Variants in LRRTM3 observed in about 807,000 individuals in gnomAD.
LRRTM3 encodes leucine rich repeat transmembrane neuronal 3, also known as leucine-rich repeat transmembrane neuronal protein 3.
A neutral mutation model predicts 44.7 loss-of-function variants in LRRTM3; 24 were observed. That is an observed-to-expected ratio of 0.54 (90% CI 0.39 to 0.76). The LOEUF is 0.76. LRRTM3 is among the 30% of genes least tolerant of loss of function. The pLI is 0.00. For missense variants in LRRTM3, 587 were observed against 702.2 expected (o/e 0.84, Z 1.85); for synonymous variants, 277 against 278.7 (o/e 0.99, Z 0.06).
Position 67,098,316 on chromosome 10 carries a change from G to C in LRRTM3, c.*520G>C, listed in dbSNP as rs1238425827. 1 of 153,642 alleles carries C rather than the reference G, an allele frequency of 6.5e-6. No homozygotes were observed. The highest frequency in any genetic ancestry group is 1.9e-4 in the East Asian group (1 of 5,178). 9.5% of individuals were successfully genotyped at this position (153,642 alleles called of 1,614,324 possible). A position where few individuals can be genotyped will look rare whatever the true frequency, so the allele number is the denominator to read the frequency against. ...AGAAACCTTGACTCTAAAATTCTGTGCTGTGCGAAACATGCACGATTTTTA... is the reference window on the plus strand; with the variant it reads ...AGAAACCTTGACTCTAAAATTCTGTCCTGTGCGAAACATGCACGATTTTTA... On this transcript the variant is annotated 3_prime_UTR_variant, in exon 3 of 3. Coordinates refer to ENST00000361320, the MANE Select transcript of LRRTM3 (RefSeq NM_178011.5).
At chr10:67,042,034 A>G (rs542462547) in intron 2 of LRRTM3, among the ~76,000 whole-genome samples, 7 of 152,292 alleles carry the variant, frequency 4.6e-5, no homozygotes, top group African/African-American at 1.7e-4. Context: ...AGGAGACGTG[A>G]GCAGAGCTGA....
chr10:67,091,064 G>A (rs1392584752), intron 2 of LRRTM3, among the ~76,000 whole-genome samples: 2 of 151,994 alleles, frequency 1.3e-5, no homozygotes, highest in Non-Finnish European at 2.9e-5. Flanking sequence ...CAAAGGGACA[G>A]CTTTCTATTT....
At chr10:67,059,109 T>C (rs1855609249) in intron 2 of LRRTM3, among the ~76,000 whole-genome samples, 1 of 152,164 alleles carries the variant, frequency 6.6e-6, no homozygotes, top group African/African-American at 2.4e-5. Context: ...ATCTAATCCT[T>C]TAGTCATAAT....
chr10:66,964,495 C>T (rs7914124), intron 2 of LRRTM3, among the ~76,000 whole-genome samples: 141,955 of 152,216 alleles, frequency 0.93, 66,757 homozygotes, highest in East Asian at 1. Context: ...ATTCATAAAT[C>T]AGGGACCAGG....
At chr10:67,036,348 C>A (rs1447637257) in intron 2 of LRRTM3, among the ~76,000 whole-genome samples, 1 of 151,496 alleles carries the variant, frequency 6.6e-6, no homozygotes. Context: ...CGGCTCACTG[C>A]AATCTCTCCC....
chr10:67,081,218 G>T (rs1857042171), intron 2 of LRRTM3, among the ~76,000 whole-genome samples: 1 of 152,186 alleles, frequency 6.6e-6, no homozygotes. Flanking sequence ...TTGGAGAAAT[G>T]ACTGTTGGCA....
chr10:66,926,609 C>A (rs1294773478), intron 1 of LRRTM3, 22 bp downstream of exon 1: 1 of 1,613,442 alleles, frequency 6.2e-7, no homozygotes, highest in African/African-American at 1.3e-5. Context: ...CATTTTTCTT[C>A]TTTCCTTCTT....
Position 66,928,452 on chromosome 10 carries a change from G to A in LRRTM3, c.1536G>A (p.Glu512=). ...TYNKSGSREC[E]IPLSMNVSTF... is the part of the protein sequence containing the mutation. ...ACAAATCGGGCTCCAGGGAGTGTGAGGTATGAACCATTGTGATAAAAAGAG... is the reference window on the plus strand; with the variant it reads ...ACAAATCGGGCTCCAGGGAGTGTGAAGTATGAACCATTGTGATAAAAAGAG... The change falls in exon 2 of 3, where the codon GAG becomes GAA. Residue 512 remains glutamate (E), a splice_region_variant and synonymous_variant. Coordinates refer to ENST00000361320, the MANE Select transcript of LRRTM3 (RefSeq NM_178011.5). 1 of 1,595,160 alleles carries A rather than the reference G, an allele frequency of 6.3e-7. No individual in the cohort carries two copies. Among genetic ancestry groups the A allele is most frequent in the Non-Finnish European group, 8.5e-7 (1 of 1,173,232 alleles).
intron 2 of LRRTM3, among the ~76,000 whole-genome samples, chr10:66,994,262 C>T (rs1851204793): frequency 6.6e-6 from 1 of 152,130 alleles, no homozygotes; most frequent in Non-Finnish European, 1.5e-5. Flanking sequence ...AAGGAAAATG[C>T]TCTCCAAGCT....
intron 2 of LRRTM3, among the ~76,000 whole-genome samples, chr10:66,939,648 C>A (rs953851192): frequency 6.6e-6 from 1 of 152,176 alleles, no homozygotes; most frequent in African/African-American, 2.4e-5. Context: ...GACTTACAGA[C>A]CATCCATATC....
chr10:66,944,835 G>C (rs1480891663), intron 2 of LRRTM3, among the ~76,000 whole-genome samples: 1 of 152,172 alleles, frequency 6.6e-6, no homozygotes, highest in East Asian at 1.9e-4. Flanking sequence ...ATGTCCATCA[G>C]AGCTCTTGGG....
chr10:67,068,835 A>G (rs1278105596), intron 2 of LRRTM3, among the ~76,000 whole-genome samples: 1 of 152,016 alleles, frequency 6.6e-6, no homozygotes, highest in Admixed American at 6.6e-5. Flanking sequence ...TGAGGCAGGA[A>G]GATCACCTGA....
intron 2 of LRRTM3, among the ~76,000 whole-genome samples, chr10:66,949,821 A>T (rs1589474571): frequency 9.5e-6 from 1 of 105,292 alleles, no homozygotes; most frequent in Non-Finnish European, 2.2e-5. Flanking sequence ...GCTTTCTCAC[A>T]TGTTTTGTGA....
At chr10:66,985,144 C>T (rs991849023) in intron 2 of LRRTM3, among the ~76,000 whole-genome samples, 3 of 152,154 alleles carry the variant, frequency 2.0e-5, no homozygotes, top group Admixed American at 2.0e-4. Flanking sequence ...TCTAATACTT[C>T]ACCACAAAGG....
chr10:67,065,916 C>T (rs1034148707), intron 2 of LRRTM3, among the ~76,000 whole-genome samples: 3 of 139,420 alleles, frequency 2.2e-5, no homozygotes, highest in Admixed American at 7.3e-5. Context: ...AAGGAAATAC[C>T]ACCCTCAATC....
chr10:67,007,549 G>C (rs564284431), intron 2 of LRRTM3, among the ~76,000 whole-genome samples: 81 of 151,962 alleles, frequency 5.3e-4, no homozygotes, highest in Middle Eastern at 6.8e-3. Flanking sequence ...GTCAAACTTG[G>C]AATCTAAAAT....
intron 2 of LRRTM3, among the ~76,000 whole-genome samples, chr10:67,058,405 C>G (rs1438404294): frequency 6.6e-6 from 1 of 152,174 alleles, no homozygotes; most frequent in Non-Finnish European, 1.5e-5. Flanking sequence ...AAGTCCACCA[C>G]AGGTACAATT....
At chr10:67,030,270 T>C (rs915364924) in intron 2 of LRRTM3, among the ~76,000 whole-genome samples, 1 of 152,184 alleles carries the variant, frequency 6.6e-6, no homozygotes, top group Non-Finnish European at 1.5e-5. Context: ...TTAAACAATG[T>C]TTAAAGTTAA....
intron 2 of LRRTM3, among the ~76,000 whole-genome samples, chr10:67,057,365 T>C (rs1392105451): frequency 6.6e-6 from 1 of 152,060 alleles, no homozygotes; most frequent in African/African-American, 2.4e-5. Flanking sequence ...CTGTGCATGG[T>C]CTTCAGAGCT....
Sources: gnomAD v4.1 joint callset for allele counts (sites outside exome capture counted in the v4.1 genomes callset) on GRCh38, gnomAD v4.1.1 for gene constraint, MANE v1.5 for transcripts, NCBI Gene and HGNC (gene_info 2026-07-23, HGNC 2026-07-21) for gene names.